Variants in GFPT1 observed in about 807,000 individuals in gnomAD.
GFPT1 encodes glutamine--fructose-6-phosphate transaminase 1, also known as glutamine--fructose-6-phosphate aminotransferase [isomerizing] 1.
A neutral mutation model predicts 92.0 loss-of-function variants in GFPT1; 40 were observed. The ratio of observed to expected loss-of-function variants is 0.43; its 90% CI spans 0.34 to 0.57. The LOEUF is 0.57. Among genes scored for constraint, GFPT1 ranks in the 20% least tolerant of loss-of-function variants. The pLI, the probability that GFPT1 is intolerant of heterozygous loss-of-function variation, is 0.02. For synonymous variants in GFPT1, 269 were observed against 280.6 expected (o/e 0.96, Z 0.41); for missense variants, 448 against 869.1 (o/e 0.52, Z 6.09).
chr2:69,342,519 G>C (rs1345860286), intron 12 of GFPT1, among the ~76,000 whole-genome samples: 1 of 152,138 alleles, frequency 6.6e-6, no homozygotes, highest in Admixed American at 6.6e-5. Flanking sequence ...ACCTTAGTTA[G>C]TTATTTTTAC....
At chr2:69,371,155 C>T (rs1671737988) in intron 2 of GFPT1, among the ~76,000 whole-genome samples, 1 of 147,560 alleles carries the variant, frequency 6.8e-6, no homozygotes, top group South Asian at 2.2e-4. Context: ...CAGCTCCCTG[C>T]AACCTCTGCC....
intron 4 of GFPT1, among the ~76,000 whole-genome samples, chr2:69,360,442 ATT>A (rs199904047): frequency 6.9e-6 from 1 of 144,236 alleles, no homozygotes; most frequent in African/African-American, 2.6e-5. Flanking sequence ...TTATCAAAAT[ATT>A]TTTTTTTTTT....
intron 7 of GFPT1, among the ~76,000 whole-genome samples, chr2:69,355,369 C>T (rs892422016): frequency 2.6e-5 from 4 of 151,652 alleles, no homozygotes; most frequent in Non-Finnish European, 5.9e-5. Context: ...TGAGTCACCA[C>T]GCCCAGCCTA....
In GFPT1 at chr2:69,337,760, T is replaced by C. The variant is rs147508834; in HGVS notation, c.1482+138A>G. The C allele has an allele frequency of 9.3e-3, 7,099 of 766,076 alleles. 76 individuals carry two copies. Among genetic ancestry groups the C allele is most frequent in the Non-Finnish European group, 0.012 (5,131 of 436,098 alleles). The allele number at this position is 766,076 out of a possible 1,614,324, so 47.5% of individuals were successfully genotyped here. On this transcript the variant is annotated intron_variant, in intron 15 of 19. Transcript: ENST00000357308. ...ACAATGATTAGTAAAATGTGTGAGT[T>C]CTATAACTGCTAACAAAAATAAAAT...
intron 1 of GFPT1, among the ~76,000 whole-genome samples, chr2:69,386,821 C>A (rs531676982): frequency 4.6e-4 from 70 of 152,328 alleles, no homozygotes; most frequent in Non-Finnish European, 8.4e-4. Context: ...GCCAAGGCGC[C>A]CGCTAGCCCC....
intron 15 of GFPT1, among the ~76,000 whole-genome samples, chr2:69,337,529 C>T (rs1401125697): frequency 1.3e-5 from 2 of 152,148 alleles, no homozygotes; most frequent in African/African-American, 4.8e-5. Context: ...CCAGACTATA[C>T]TTCATAAAAG....
At chr2:69,346,055 G>A in intron 11 of GFPT1, 56 bp from the exon 12 acceptor site, 1 of 984,056 alleles carries the variant, frequency 1.0e-6, no homozygotes, top group Non-Finnish European at 1.6e-6. Flanking sequence ...AAAAGAATTT[G>A]TACACAACTA....
chr2:69,361,761 T>C (rs1465062140), intron 4 of GFPT1, among the ~76,000 whole-genome samples: 3 of 152,082 alleles, frequency 2.0e-5, no homozygotes, highest in Non-Finnish European at 4.4e-5. Flanking sequence ...GGAAGATTAC[T>C]TGAGTCCAGA....
chr2:69,353,869 T>C (rs1452677197), intron 9 of GFPT1, among the ~76,000 whole-genome samples: 1 of 152,178 alleles, frequency 6.6e-6, no homozygotes, highest in Non-Finnish European at 1.5e-5. Context: ...TAAAGACCAC[T>C]TAAACATATT....
intron 9 of GFPT1, 26 bp downstream of exon 9, chr2:69,354,233 C>T (rs1219013050): frequency 2.0e-6 from 3 of 1,503,582 alleles, no homozygotes; most frequent in South Asian, 1.2e-5. Flanking sequence ...AAGATCCTCC[C>T]CATCCATGCA....
At chr2:69,326,786 T>C (rs1670542527) in intron 19 of GFPT1, 128 bp downstream of exon 19, 2 of 919,260 alleles carry the variant, frequency 2.2e-6, no homozygotes, top group Non-Finnish European at 3.5e-6. Context: ...GCCATGAAAA[T>C]ATAACAGGTG....
rs144091824 is a variant in GFPT1 at position 69,384,891 on chromosome 2, C to T, written c.7+2174G>A. 3.0e-4 allele frequency among the ~76,000 whole-genome samples: 46 copies of T among 152,178 alleles called. No individual in the cohort carries two copies. The East Asian group carries it at 8.7e-3, about 29-fold the overall frequency. ...ATTTTCCCATCTAGTCTAATTTTCA[C>T]TCCATTTCTCTGCTCAGGAATTTTA... On this transcript the variant is annotated intron_variant, in intron 1 of 19. Transcript: ENST00000357308.
At chr2:69,365,915 C>T (rs987105119) in intron 3 of GFPT1, among the ~76,000 whole-genome samples, 2 of 152,058 alleles carry the variant, frequency 1.3e-5, no homozygotes, top group African/African-American at 2.4e-5. Context: ...CGGGTTCAAG[C>T]GATTCTCCTA....
At chr2:69,338,678 T>C (rs972609820) in intron 13 of GFPT1, 113 bp from the exon 14 acceptor site, 2 of 1,008,006 alleles carry the variant, frequency 2.0e-6, no homozygotes, top group Non-Finnish European at 3.1e-6. Context: ...AATGACACGT[T>C]AGAAAATAAA....
Position 69,374,460 on chromosome 2 carries a change from C to T in GFPT1, c.8-347G>A, listed in dbSNP as rs146059866. ...TCCCGAGTAGCTGGGACTACAGGTG[C>T]CTGCCACCACGCCCAGCTAATTTTT... On this transcript the variant is annotated intron_variant, in intron 1 of 19. Transcript: ENST00000357308. Among the ~76,000 whole-genome samples, 1,801 of 152,032 alleles carry T rather than the reference C, an allele frequency of 0.012. 33 individuals are homozygous for T. The highest frequency in any genetic ancestry group is 0.041 in the African/African-American group (1,710 of 41,440).
At chr2:69,374,865 A>G (rs1409980437) in intron 1 of GFPT1, among the ~76,000 whole-genome samples, 1 of 152,226 alleles carries the variant, frequency 6.6e-6, no homozygotes, top group East Asian at 1.9e-4. Flanking sequence ...GATATGAAAA[A>G]TACTCACCCC....
intron 12 of GFPT1, 33 bp from the exon 13 acceptor site, chr2:69,342,282 G>T: frequency 7.5e-7 from 1 of 1,336,764 alleles, no homozygotes; most frequent in Non-Finnish European, 1.1e-6. Flanking sequence ...TAATTATTTA[G>T]CAAAGAACCA....
chr2:69,326,167 G>T lies in GFPT1; in HGVS notation c.*22C>A, dbSNP rs199678034. 2.0e-3 allele frequency: 2,976 copies of T among 1,511,390 alleles called. 5 individuals carry two copies. Among genetic ancestry groups the T allele is most frequent in the Non-Finnish European group, 2.5e-3 (2,717 of 1,088,894 alleles). 93.6% of individuals were successfully genotyped at this position (1,511,390 alleles called of 1,614,324 possible). A position where few individuals can be genotyped will look rare whatever the true frequency, so the allele number is the denominator to read the frequency against. On this transcript the variant is annotated 3_prime_UTR_variant, in exon 20 of 20. Transcript: ENST00000357308. ...TTGTGTTGCTTAATCATACAGTTTC[G>T]TACATTTTGTATAGATATTCCTCAC... is the stretch of plus-strand genomic sequence containing the variant.
At chr2:69,377,413 G>A (rs1223002001) in intron 1 of GFPT1, among the ~76,000 whole-genome samples, 1 of 151,424 alleles carries the variant, frequency 6.6e-6, no homozygotes, top group Non-Finnish European at 1.5e-5. Flanking sequence ...CACTTTGGGA[G>A]GCCGAGGCGG....
Sources: allele counts gnomAD v4.1 joint callset (sites outside exome capture counted in the v4.1 genomes callset), GRCh38; gene constraint gnomAD v4.1.1; transcripts MANE v1.5; gene names NCBI Gene and HGNC (gene_info 2026-07-23, HGNC 2026-07-21).